The following USP13 variants were observed in gnomAD, a reference collection of about 807,000 sequenced individuals.
USP13 encodes ubiquitin carboxyl-terminal hydrolase 13.
In USP13, 68 loss-of-function variants were observed where a neutral mutation model predicts 107.8. The observed-to-expected ratio is 0.63, with a 90% CI of 0.52 to 0.77. The LOEUF (loss-of-function observed/expected upper bound fraction) is 0.77. Among genes scored for constraint, USP13 ranks in the 30% least tolerant of loss-of-function variants. The pLI, the probability that USP13 is intolerant of heterozygous loss-of-function variation, is 0.00. For synonymous variants in USP13, 377 were observed against 389.5 expected, an observed-to-expected ratio of 0.97 and a Z score of 0.38; for missense variants, 945 against 1,093.3, an observed-to-expected ratio of 0.86 and a Z score of 1.91.
At chr3:179,689,565 G>A (rs1712027478) in intron 2 of USP13, among the ~76,000 whole-genome samples, 1 of 151,908 alleles carries the variant, frequency 6.6e-6, no homozygotes, top group Non-Finnish European at 1.5e-5. Flanking sequence ...GGTTGAGGCA[G>A]GAGACTCGCT....
At chr3:179,657,886 G>A (rs1314300808) in intron 1 of USP13, among the ~76,000 whole-genome samples, 1 of 151,958 alleles carries the variant, frequency 6.6e-6, no homozygotes, top group East Asian at 1.9e-4. Context: ...GGATGTCTTG[G>A]TTCACACTTC....
chr3:179,673,917 A>T (rs1018317640), intron 1 of USP13, among the ~76,000 whole-genome samples: 2 of 152,094 alleles, frequency 1.3e-5, no homozygotes, highest in African/African-American at 4.8e-5. Context: ...CTTGAGACGG[A>T]GTTTCGCTCT....
intron 1 of USP13, among the ~76,000 whole-genome samples, chr3:179,671,340 G>A (rs970362898): frequency 6.6e-6 from 1 of 152,004 alleles, no homozygotes; most frequent in African/African-American, 2.4e-5. Context: ...TTTGAGAAAA[G>A]GGAGCATATC....
At chr3:179,710,654 A>G (rs994817083) in intron 6 of USP13, among the ~76,000 whole-genome samples, 3 of 152,210 alleles carry the variant, frequency 2.0e-5, no homozygotes, top group South Asian at 4.1e-4. Flanking sequence ...TCACTTAAGG[A>G]TGGTGATATG....
chr3:179,679,399 T>C, intron 1 of USP13, among the ~76,000 whole-genome samples: 1 of 152,194 alleles, frequency 6.6e-6, no homozygotes, highest in East Asian at 1.9e-4. Context: ...TGAAATGCAC[T>C]GTAAGGAATT....
intron 4 of USP13, among the ~76,000 whole-genome samples, chr3:179,701,528 T>C (rs1284099799): frequency 6.6e-6 from 1 of 152,222 alleles, no homozygotes; most frequent in Non-Finnish European, 1.5e-5. Flanking sequence ...CTTTTTATCA[T>C]GTTTATTATG....
chr3:179,659,340 G>C (rs1354464759), intron 1 of USP13, among the ~76,000 whole-genome samples: 1 of 152,174 alleles, frequency 6.6e-6, no homozygotes, highest in African/African-American at 2.4e-5. Flanking sequence ...GGCATTGCCA[G>C]TAATAATAAT....
intron 6 of USP13, 43 bp from the exon 7 acceptor site, chr3:179,719,897 C>T: frequency 6.5e-7 from 1 of 1,536,582 alleles, no homozygotes; most frequent in Non-Finnish European, 9.0e-7. Context: ...TATTCAGTGA[C>T]TTGATTACTG....
chr3:179,659,630 T>C (rs1259270766), intron 1 of USP13, among the ~76,000 whole-genome samples: 2 of 152,212 alleles, frequency 1.3e-5, no homozygotes, highest in Non-Finnish European at 2.9e-5. Context: ...CAACCCTATG[T>C]TATATACTAT....
rs1322043099 is a variant in USP13, at chr3:179,742,440, G to GT, written c.1534+91dup. 19 of 1,525,376 alleles carry GT rather than the reference G, an allele frequency of 1.2e-5. No homozygotes were observed. The East Asian group carries it at 4.0e-4, about 32-fold the overall frequency. 94.5% of individuals were successfully genotyped at this position (1,525,376 alleles called of 1,614,324 possible). ...GAGAATGGTTTAGTCACTGAAGTGTGTCAGGAGTAGACCCAGCCCAGGTGA... is the reference window on the plus strand; with the variant it reads ...GAGAATGGTTTAGTCACTGAAGTGTGTTCAGGAGTAGACCCAGCCCAGGTGA... On this transcript the variant is annotated intron_variant, in intron 12 of 20. Coordinates refer to ENST00000263966, the MANE Select transcript of USP13 (RefSeq NM_003940.3). The surrounding 1 kb of genome is among the most constrained non-coding windows in gnomAD (Gnocchi z 5.0).
At chr3:179,762,012 C>T (rs559580676) in intron 17 of USP13, among the ~76,000 whole-genome samples, 38 of 152,196 alleles carry the variant, frequency 2.5e-4, no homozygotes, top group African/African-American at 9.1e-4. Context: ...GTTGTGTAAC[C>T]ATTACCACTA....
rs182332621 is a variant in USP13 at position 179,655,662 on chromosome 3, C to A, written c.168+2269C>A. On this transcript the variant is annotated intron_variant, in intron 1 of 20. Transcript: ENST00000263966. ...CTCTGCCTCCTGGATTCAAGTGATT[C>A]TCCTGCCTCAGCCTGCCAAGTAGCT... is the stretch of plus-strand genomic sequence containing the variant. Among the ~76,000 whole-genome samples the A allele has an allele frequency of 9.3e-5, 14 of 150,498 alleles. No homozygotes were observed. The East Asian group carries it at 2.8e-3, about 30-fold the overall frequency.
chr3:179,662,961 T>G (rs1479654991), intron 1 of USP13, among the ~76,000 whole-genome samples: 2 of 152,202 alleles, frequency 1.3e-5, no homozygotes, highest in Non-Finnish European at 2.9e-5. Context: ...TCTCTCTTTT[T>G]ATTTTTTAAG....
intron 13 of USP13, among the ~76,000 whole-genome samples, chr3:179,751,430 C>T (rs1021421017): frequency 1.3e-5 from 2 of 152,090 alleles, no homozygotes; most frequent in Non-Finnish European, 2.9e-5. Flanking sequence ...CCTGGCATTT[C>T]CAATAGTCAA....
At position 179,770,978 on chromosome 3, in the gene USP13, A is replaced by G. The variant is rs553175539; in HGVS notation, c.2413+5130A>G. On this transcript the variant is annotated intron_variant, in intron 19 of 20. Transcript: ENST00000263966. ...AACCAAAACAAACAAAATAAAAACA[A>G]CTTCAGTTTTCAGGGTTTTAAGTGG... Among the ~76,000 whole-genome samples, 11 of 152,308 alleles carry G rather than the reference A, an allele frequency of 7.2e-5. No homozygotes were observed. In the East Asian group the frequency reaches 1.9e-3, roughly 27 times the overall value.
rs574355661 is a variant in USP13, at chr3:179,664,138, T to G, written c.168+10745T>G. Among the ~76,000 whole-genome samples the G allele has an allele frequency of 2.0e-5, 3 of 152,098 alleles. No individual in the cohort carries two copies. The South Asian group carries it at 6.2e-4, about 32-fold the overall frequency. On this transcript the variant is annotated intron_variant, in intron 1 of 20. Transcript: ENST00000263966. Reference sequence around the variant, plus strand: ...TCTGATTTTCTGGGTGTGTTTTTTTTTTTTTGGAGTCTTGGTCTGTCGCTC... The same window carrying G: ...TCTGATTTTCTGGGTGTGTTTTTTTGTTTTTGGAGTCTTGGTCTGTCGCTC...
intron 19 of USP13, among the ~76,000 whole-genome samples, chr3:179,780,803 T>C (rs1167267879): frequency 6.6e-6 from 1 of 152,240 alleles, no homozygotes; most frequent in Non-Finnish European, 1.5e-5. Flanking sequence ...AGAAAAACTC[T>C]GTCCAGAACC....
intron 1 of USP13, among the ~76,000 whole-genome samples, chr3:179,657,770 A>G (rs932173337): frequency 4.7e-5 from 7 of 149,628 alleles, no homozygotes; most frequent in Non-Finnish European, 1.0e-4. Context: ...CTCAAAAAAA[A>G]AAAAAAAAAA....
At chr3:179,708,308 AT>A (rs35675174) in intron 5 of USP13, among the ~76,000 whole-genome samples, 91,886 of 142,486 alleles carry the variant, frequency 0.64, 29,866 homozygotes, top group Non-Finnish European at 0.72. Context: ...AGGAACAATA[AT>A]TTTTTTTTTT....
Sources: allele counts gnomAD v4.1 joint callset (sites outside exome capture counted in the v4.1 genomes callset), GRCh38; gene constraint gnomAD v4.1.1; non-coding constraint Gnocchi (gnomAD v3.1); transcripts MANE v1.5; gene names NCBI Gene and HGNC (gene_info 2026-07-23, HGNC 2026-07-21).